ROBO2: variants seen among roughly 807,000 people sequenced by gnomAD.
ROBO2 encodes roundabout guidance receptor 2.
In ROBO2, 53 loss-of-function variants were observed where a neutral mutation model predicts 160.8. The ratio of observed to expected loss-of-function variants is 0.33; its 90% CI spans 0.26 to 0.41. The LOEUF is 0.41. ROBO2 is among the 10% of genes least tolerant of loss of function. ROBO2 has a pLI of 1.00. For missense variants in ROBO2, 1,577 were observed against 1,722.4 expected (o/e 0.92, Z 1.49); for synonymous variants, 664 against 611.7 (o/e 1.09, Z -1.26).
At chr3:76,987,283 A>G (rs2060431712) in intron 2 of ROBO2, among the ~76,000 whole-genome samples, 3 of 152,184 alleles carry the variant, frequency 2.0e-5, no homozygotes, top group South Asian at 2.1e-4. Flanking sequence ...TCGGCCTTTT[A>G]CAAAGAACAT....
chr3:76,997,445 A>G (rs1239374931), intron 2 of ROBO2, among the ~76,000 whole-genome samples: 2 of 152,186 alleles, frequency 1.3e-5, no homozygotes, highest in Non-Finnish European at 2.9e-5. Flanking sequence ...ATTTTTATCA[A>G]TGACTCTGCT....
chr3:76,787,325 A>G (rs1214967047), intron 2 of ROBO2, among the ~76,000 whole-genome samples: 1 of 100,962 alleles, frequency 9.9e-6, no homozygotes, highest in African/African-American at 3.0e-5. Flanking sequence ...AAATGTAAAC[A>G]CACCACACAC....
At chr3:76,386,908 A>T (rs1479732018) in intron 2 of ROBO2, among the ~76,000 whole-genome samples, 1 of 152,194 alleles carries the variant, frequency 6.6e-6, no homozygotes, top group Non-Finnish European at 1.5e-5. Context: ...CTAGAATAAA[A>T]GGTGTTAAGA....
chr3:77,321,651 G>A (rs2064713955), intron 2 of ROBO2, among the ~76,000 whole-genome samples: 1 of 152,104 alleles, frequency 6.6e-6, no homozygotes, highest in Non-Finnish European at 1.5e-5. Flanking sequence ...GAGTGTTACA[G>A]TTTTAACTTG....
intron 2 of ROBO2, among the ~76,000 whole-genome samples, chr3:76,145,349 T>C (rs947011413): frequency 1.3e-4 from 20 of 152,040 alleles, no homozygotes; most frequent in African/African-American, 4.6e-4. Context: ...TAATCCATGC[T>C]GTGAACTGAA....
intron 2 of ROBO2, among the ~76,000 whole-genome samples, chr3:76,186,798 T>C (rs1222986044): frequency 2.6e-5 from 4 of 152,130 alleles, no homozygotes; most frequent in African/African-American, 9.7e-5. Flanking sequence ...TCACTACCTC[T>C]AAGTGCTCTT....
intron 2 of ROBO2, among the ~76,000 whole-genome samples, chr3:76,773,643 A>G (rs1353594859): frequency 6.6e-6 from 1 of 150,770 alleles, no homozygotes; most frequent in East Asian, 2.0e-4. Flanking sequence ...TCTCAAAGAG[A>G]GAGACTAATA....
intron 2 of ROBO2, among the ~76,000 whole-genome samples, chr3:76,139,115 G>A (rs750621437): frequency 6.6e-6 from 1 of 152,076 alleles, no homozygotes; most frequent in African/African-American, 2.4e-5. Context: ...GTACTTAAAT[G>A]ATAACAAACC....
chr3:76,223,039 G>T (rs930715821), intron 2 of ROBO2, among the ~76,000 whole-genome samples: 1 of 151,650 alleles, frequency 6.6e-6, no homozygotes, highest in African/African-American at 2.4e-5. Flanking sequence ...TCAGGCATGC[G>T]CCACCGCACG....
intron 2 of ROBO2, among the ~76,000 whole-genome samples, chr3:76,129,670 A>G (rs2071148419): frequency 6.6e-6 from 1 of 152,156 alleles, no homozygotes; most frequent in Admixed American, 6.5e-5. Flanking sequence ...TGCAAAAAAC[A>G]TACTTCTTTC....
chr3:77,310,934 T>C (rs2063493217), intron 2 of ROBO2, among the ~76,000 whole-genome samples: 1 of 152,032 alleles, frequency 6.6e-6, no homozygotes, highest in African/African-American at 2.4e-5. Context: ...AAGAGGCTAA[T>C]GTAATATGAG....
chr3:77,208,034 C>T (rs899449708), intron 2 of ROBO2, among the ~76,000 whole-genome samples: 8 of 152,158 alleles, frequency 5.3e-5, no homozygotes, highest in African/African-American at 1.4e-4. Context: ...CTATCCTGAG[C>T]GCTCTCCTGT....
At chr3:77,245,251 T>C (rs1231235674) in intron 2 of ROBO2, among the ~76,000 whole-genome samples, 1 of 152,108 alleles carries the variant, frequency 6.6e-6, no homozygotes, top group Non-Finnish European at 1.5e-5. Context: ...ATGGAGCCAA[T>C]TTTATTTTAT....
chr3:76,266,779 C>G (rs1707125279), intron 2 of ROBO2, among the ~76,000 whole-genome samples: 1 of 151,990 alleles, frequency 6.6e-6, no homozygotes, highest in African/African-American at 2.4e-5. Context: ...GTTTTTCTAC[C>G]AAACTTTTGT....
chr3:76,076,319 A>C (rs2068644710), intron 2 of ROBO2, among the ~76,000 whole-genome samples: 1 of 152,156 alleles, frequency 6.6e-6, no homozygotes, highest in African/African-American at 2.4e-5. Context: ...ATGGCCTTTC[A>C]CCAGCACAAC....
At chr3:77,132,971 T>A (rs1460260811) in intron 2 of ROBO2, among the ~76,000 whole-genome samples, 1 of 152,136 alleles carries the variant, frequency 6.6e-6, no homozygotes, top group Admixed American at 6.5e-5. Context: ...TTGCTCCATA[T>A]GAAATAGCCA....
chr3:76,504,405 C>G (rs1423361708), intron 2 of ROBO2, among the ~76,000 whole-genome samples: 1 of 151,398 alleles, frequency 6.6e-6, no homozygotes, highest in African/African-American at 2.4e-5. Context: ...ATCCGTCAGA[C>G]TAATTCTTTC....
chr3:76,833,712 TC>T (rs1201134253), intron 2 of ROBO2, among the ~76,000 whole-genome samples: 1 of 152,158 alleles, frequency 6.6e-6, no homozygotes, highest in Non-Finnish European at 1.5e-5. Context: ...TCCTATTCTA[TC>T]CTCTCGTAAC....
chr3:76,588,728 T>C (rs1027527938), intron 2 of ROBO2, among the ~76,000 whole-genome samples: 3 of 152,200 alleles, frequency 2.0e-5, no homozygotes, highest in African/African-American at 7.2e-5. Context: ...GTTGAAGATA[T>C]ACTTTGACAT....
Sources: allele counts gnomAD v4.1 joint callset (sites outside exome capture counted in the v4.1 genomes callset), GRCh38; gene constraint gnomAD v4.1.1; transcripts MANE v1.5; gene names NCBI Gene and HGNC (gene_info 2026-07-23, HGNC 2026-07-21).